VWA8: variants seen among roughly 807,000 people sequenced by gnomAD.
VWA8 encodes the protein von Willebrand factor A domain-containing protein 8.
VWA8 carries 221 observed loss-of-function variants against 241.5 expected under a neutral mutation model. That is an observed-to-expected ratio of 0.91 (90% CI 0.82 to 1.02). The LOEUF is 1.02. Among genes scored for constraint, VWA8 ranks in the 50% least tolerant of loss-of-function variants. The pLI is 0.00. For missense variants in VWA8, 2,322 were observed against 2,328.7 expected, an observed-to-expected ratio of 1.00 and a Z score of 0.06; for synonymous variants, 852 against 827.1, an observed-to-expected ratio of 1.03 and a Z score of -0.52.
chr13:41,824,948 G>A (rs1437217301), intron 14 of VWA8, among the ~76,000 whole-genome samples: 1 of 151,984 alleles, frequency 6.6e-6, no homozygotes, highest in African/African-American at 2.4e-5. Context: ...GGATATAAGA[G>A]TGACTGACAT....
chr13:41,601,623 T>C (rs2139654204), intron 40 of VWA8, among the ~76,000 whole-genome samples: 1 of 152,212 alleles, frequency 6.6e-6, no homozygotes, highest in Admixed American at 6.5e-5. Flanking sequence ...CAATAAGAGA[T>C]TGAGATTCTG....
At chr13:41,730,875 TA>T (rs1252870513) in intron 22 of VWA8, among the ~76,000 whole-genome samples, 1 of 151,852 alleles carries the variant, frequency 6.6e-6, no homozygotes, top group African/African-American at 2.4e-5. Context: ...TTAAAAAACT[TA>T]TAAGAAATTT....
intron 1 of VWA8, among the ~76,000 whole-genome samples, chr13:41,959,291 C>T (rs186563201): frequency 1.3e-5 from 2 of 152,222 alleles, no homozygotes; most frequent in African/African-American, 2.4e-5. Context: ...AACCTACCCT[C>T]AACGACCCAT....
chr13:41,761,686 ATCCCATTTTCCAG>A (rs1383447585), intron 20 of VWA8, among the ~76,000 whole-genome samples: 3 of 152,050 alleles, frequency 2.0e-5, no homozygotes, highest in Non-Finnish European at 4.4e-5. Flanking sequence ...TTCTCCTTTT[ATCCCATTTTCCAG>A]TCCTTTAAAA....
chr13:41,703,239 C>A, intron 27 of VWA8, 64 bp downstream of exon 27: 1 of 1,300,290 alleles, frequency 7.7e-7, no homozygotes, highest in Non-Finnish European at 1.1e-6. Context: ...GAATTATCTC[C>A]AGGGAAGATA....
At chr13:41,647,817 CT>C (rs2044841435) in intron 37 of VWA8, among the ~76,000 whole-genome samples, 1 of 152,092 alleles carries the variant, frequency 6.6e-6, no homozygotes, top group African/African-American at 2.4e-5. Context: ...TGGTGAAACC[CT>C]TTCTCTACTA....
chr13:41,655,019 G>A (rs751705289), intron 37 of VWA8, among the ~76,000 whole-genome samples: 1 of 151,876 alleles, frequency 6.6e-6, no homozygotes, highest in Non-Finnish European at 1.5e-5. Flanking sequence ...CTATATCAAT[G>A]TTAACTTCCT....
chr13:41,913,042 A>G (rs944282426), intron 2 of VWA8, among the ~76,000 whole-genome samples: 2 of 152,184 alleles, frequency 1.3e-5, no homozygotes, highest in Admixed American at 6.5e-5. Flanking sequence ...AAATACACAG[A>G]ATGAAATATT....
At position 41,727,078 on chromosome 13, in the gene VWA8, A is replaced by G. The variant is rs2045441556; in HGVS notation, c.2758+116T>C. 14 of 777,072 alleles carry G rather than the reference A, an allele frequency of 1.8e-5. No homozygotes were observed. The South Asian group carries it at 2.2e-4, about 12-fold the overall frequency. 48.1% of individuals were successfully genotyped at this position (777,072 alleles called of 1,614,324 possible). A position where few individuals can be genotyped will look rare whatever the true frequency, so the allele number is the denominator to read the frequency against. ...AAGGGGGATAATAAATATTCTCACAAGGTGATTATGATGGTGGCACAGCAC... is the reference window on the plus strand; with the variant it reads ...AAGGGGGATAATAAATATTCTCACAGGGTGATTATGATGGTGGCACAGCAC... On this transcript the variant is annotated intron_variant, in intron 24 of 44. Transcript: ENST00000379310.
chr13:41,894,054 C>T (rs1044335384), intron 4 of VWA8, among the ~76,000 whole-genome samples: 6 of 152,164 alleles, frequency 3.9e-5, no homozygotes, highest in Non-Finnish European at 7.3e-5. Flanking sequence ...CTTTCTTATA[C>T]GACAGACTAA....
In VWA8 at chr13:41,727,210, A is replaced by C; in HGVS notation, c.2742T>G (p.Asp914Glu). The C allele has an allele frequency of 6.5e-7, 1 of 1,546,620 alleles. No individual in the cohort carries two copies. The highest frequency in any genetic ancestry group is 8.7e-7 in the Non-Finnish European group (1 of 1,145,600). ...TGTTTTTACCTAAGGTACCGAAGAA[A>C]TCATTGCCTAGGAAAGGAAATCCAG... ...NRPGFPFLGN[D>E]FFGTLGDIFS... The change falls in exon 24 of 45, where the codon GAT (aspartate) becomes GAG (glutamate). Residue 914 changes from aspartate to glutamate, a missense_variant. Coordinates refer to ENST00000379310, the MANE Select transcript of VWA8 (RefSeq NM_015058.2).
At chr13:41,951,166 T>C (rs919618904) in intron 1 of VWA8, among the ~76,000 whole-genome samples, 2 of 152,128 alleles carry the variant, frequency 1.3e-5, no homozygotes, top group East Asian at 2.0e-4. Context: ...CCTGTAATCC[T>C]AGCACTTTGG....
rs370481502 is a variant in VWA8 at position 41,574,397 on chromosome 13, A to AAAAC, written c.5370+1339_5370+1342dup. On this transcript the variant is annotated intron_variant, in intron 43 of 44. Coordinates refer to ENST00000379310, the MANE Select transcript of VWA8 (RefSeq NM_015058.2). ...GAAAGAGCTCTACAAGGAAAACTACAAAACACTGATGAAAGAAATCATAGA... is the reference window on the plus strand; with the variant it reads ...GAAAGAGCTCTACAAGGAAAACTACAAAACAAACACTGATGAAAGAAATCATAGA... 3.3e-4 allele frequency among the ~76,000 whole-genome samples: 50 copies of AAAAC among 151,498 alleles called. 1 individual carries two copies. Among genetic ancestry groups the AAAAC allele is most frequent in the Non-Finnish European group, 6.3e-4 (43 of 67,918 alleles).
At chr13:41,703,179 T>C in intron 27 of VWA8, 124 bp downstream of exon 27, 1 of 771,846 alleles carries the variant, frequency 1.3e-6, no homozygotes, top group Non-Finnish European at 2.1e-6. Context: ...ATTTGAAAGT[T>C]AGAGCAGAAG....
intron 18 of VWA8, among the ~76,000 whole-genome samples, chr13:41,785,035 A>G (rs542431020): frequency 6.6e-6 from 1 of 151,976 alleles, no homozygotes; most frequent in East Asian, 1.9e-4. Context: ...TCTGCTATGT[A>G]TTCCCTACAG....
intron 2 of VWA8, among the ~76,000 whole-genome samples, chr13:41,921,550 G>A (rs912329589): frequency 2.0e-5 from 3 of 152,184 alleles, no homozygotes; most frequent in Non-Finnish European, 2.9e-5. Context: ...CATTGTCTCA[G>A]CCCAAAATTT....
chr13:41,894,468 T>C (rs930435326), intron 4 of VWA8, among the ~76,000 whole-genome samples: 1 of 152,226 alleles, frequency 6.6e-6, no homozygotes, highest in East Asian at 1.9e-4. Context: ...CACAGTCAAA[T>C]GCATGCAGGT....
In VWA8 at chr13:41,583,504, G is replaced by A. The variant is rs139503586; in HGVS notation, c.5271+4008C>T. 2.7e-3 allele frequency among the ~76,000 whole-genome samples: 412 copies of A among 152,058 alleles called. 1 individual carries two copies. The highest frequency in any genetic ancestry group is 9.2e-3 in the African/African-American group (382 of 41,504). On this transcript the variant is annotated intron_variant, in intron 42 of 44. Coordinates refer to ENST00000379310, the MANE Select transcript of VWA8 (RefSeq NM_015058.2). Reference sequence around the variant, plus strand: ...CTAAAAATACAAAAATTAGCCGGGCGTGGTGGCACATGCCTGTAGTCCTAG... The same window carrying A: ...CTAAAAATACAAAAATTAGCCGGGCATGGTGGCACATGCCTGTAGTCCTAG...
At chr13:41,783,045 T>A (rs1300335384) in intron 19 of VWA8, among the ~76,000 whole-genome samples, 2 of 151,180 alleles carry the variant, frequency 1.3e-5, no homozygotes, top group Admixed American at 6.6e-5. Context: ...AAAGGATGCA[T>A]AGGACATATC....
Sources: gnomAD v4.1 joint callset for allele counts (sites outside exome capture counted in the v4.1 genomes callset) on GRCh38, gnomAD v4.1.1 for gene constraint, MANE v1.5 for transcripts, NCBI Gene and HGNC (gene_info 2026-07-23, HGNC 2026-07-21) for gene names.